Variants in TMEM178A observed in about 807,000 individuals in gnomAD.
TMEM178A encodes transmembrane protein 178.
In TMEM178A, 12 loss-of-function variants were observed where a neutral mutation model predicts 29.1. The ratio of observed to expected loss-of-function variants is 0.41; its 90% CI spans 0.26 to 0.67. The LOEUF is 0.67. TMEM178A is among the 30% of genes least tolerant of loss of function. The probability of loss-of-function intolerance (pLI) is 0.29; values close to 1 mark genes in which losing one functional copy is unlikely to be tolerated. For synonymous variants in TMEM178A, 210 were observed against 187.2 expected (o/e 1.12, Z -0.99); for missense variants, 366 against 419.1 (o/e 0.87, Z 1.11).
At chr2:39,699,760 CT>C (rs898011805) in intron 1 of TMEM178A, among the ~76,000 whole-genome samples, 40 of 152,154 alleles carry the variant, frequency 2.6e-4, no homozygotes, top group Non-Finnish European at 4.7e-4. Flanking sequence ...CAGGCGAGAT[CT>C]TTTTTTAATG....
At chr2:39,714,190 A>T (rs936540235) in intron 3 of TMEM178A, among the ~76,000 whole-genome samples, 1 of 152,098 alleles carries the variant, frequency 6.6e-6, no homozygotes, top group Admixed American at 6.5e-5. Context: ...AGGAGAAGAG[A>T]TGTTACAGAA....
chr2:39,696,298 T>G (rs1010422577), intron 1 of TMEM178A, among the ~76,000 whole-genome samples: 1 of 152,166 alleles, frequency 6.6e-6, no homozygotes. Flanking sequence ...ATGTGTCTGT[T>G]TATTTCTCTG....
At chr2:39,730,935 T>G in the TMEM178A span, among the ~76,000 whole-genome samples, 1 of 152,220 alleles carries the variant, frequency 6.6e-6, no homozygotes, top group Admixed American at 6.5e-5. Context: ...GTATCCTGTA[T>G]GGAGACATCT....
intron 1 of TMEM178A, among the ~76,000 whole-genome samples, chr2:39,688,854 GA>G (rs1370599657): frequency 1.3e-5 from 2 of 152,122 alleles, no homozygotes; most frequent in Non-Finnish European, 1.5e-5. Flanking sequence ...AGCTTGAAAG[GA>G]GCTCCTAGTT....
intron 1 of TMEM178A, among the ~76,000 whole-genome samples, chr2:39,672,222 A>C (rs977536100): frequency 6.6e-6 from 1 of 152,252 alleles, no homozygotes; most frequent in African/African-American, 2.4e-5. Context: ...TACTATCTGC[A>C]CACAGGAATT....
At chr2:39,720,465 C>A (rs1289112020), downstream of TMEM178A, among the ~76,000 whole-genome samples, 2 of 152,216 alleles carry the variant, frequency 1.3e-5, no homozygotes, top group Non-Finnish European at 2.9e-5. Context: ...GCTGGGGACA[C>A]CCCCTCCTCT....
At chr2:39,685,935 GT>G (rs1477610161) in intron 1 of TMEM178A, among the ~76,000 whole-genome samples, 1 of 152,200 alleles carries the variant, frequency 6.6e-6, no homozygotes, top group Non-Finnish European at 1.5e-5. Context: ...CTCAGGAAGT[GT>G]TTTGGCTTAC....
At chr2:39,670,987 G>C (rs1170054615) in intron 1 of TMEM178A, among the ~76,000 whole-genome samples, 2 of 152,122 alleles carry the variant, frequency 1.3e-5, no homozygotes, top group Non-Finnish European at 2.9e-5. Context: ...AATTAAAAAT[G>C]ATAGGATTTC....
At chr2:39,721,858 G>A (rs1672711696), downstream of TMEM178A, among the ~76,000 whole-genome samples, 1 of 151,816 alleles carries the variant, frequency 6.6e-6, no homozygotes, top group Non-Finnish European at 1.5e-5. Flanking sequence ...AAGTGTGGTG[G>A]TACATGCCTG....
intron 3 of TMEM178A, among the ~76,000 whole-genome samples, chr2:39,712,879 A>C (rs1262280405): frequency 1.3e-5 from 2 of 152,368 alleles, no homozygotes; most frequent in East Asian, 3.9e-4. Context: ...CATACCTTGC[A>C]TTAATTAGAT....
chr2:39,713,871 T>C (rs1425581578), intron 3 of TMEM178A, among the ~76,000 whole-genome samples: 1 of 152,242 alleles, frequency 6.6e-6, no homozygotes, highest in Admixed American at 6.5e-5. Flanking sequence ...CAACTCTTTT[T>C]CTTGATGCCT....
chr2:39,688,518 A>G (rs1224859012), intron 1 of TMEM178A, among the ~76,000 whole-genome samples: 1 of 152,198 alleles, frequency 6.6e-6, no homozygotes, highest in Admixed American at 6.5e-5. Context: ...TGCCATCCTC[A>G]ACTCTTGTTG....
intron 1 of TMEM178A, among the ~76,000 whole-genome samples, chr2:39,680,355 C>G (rs912647552): frequency 1.3e-5 from 2 of 152,150 alleles, no homozygotes; most frequent in Non-Finnish European, 2.9e-5. Flanking sequence ...GGGCCTTTTT[C>G]GGTTTTCAAA....
At chr2:39,719,509 C>T (rs2716733), downstream of TMEM178A, among the ~76,000 whole-genome samples, 16,038 of 152,222 alleles carry the variant, frequency 0.11, 2,838 homozygotes, top group African/African-American at 0.36. Flanking sequence ...AACCAACGTG[C>T]CAGGCCAAGG....
chr2:39,667,508 C>A (rs1047549622), intron 1 of TMEM178A, among the ~76,000 whole-genome samples: 2 of 151,600 alleles, frequency 1.3e-5, no homozygotes, highest in East Asian at 3.9e-4. Flanking sequence ...AGAAAAAGTC[C>A]AAAATCAGTA....
At chr2:39,687,837 G>A (rs556459906) in intron 1 of TMEM178A, among the ~76,000 whole-genome samples, 1 of 152,370 alleles carries the variant, frequency 6.6e-6, no homozygotes, top group Non-Finnish European at 1.5e-5. Context: ...ATGATCAGAT[G>A]TAGTCATAGT....
chr2:39,710,118 G>A (rs544887179), intron 3 of TMEM178A, among the ~76,000 whole-genome samples: 146 of 152,232 alleles, frequency 9.6e-4, no homozygotes, highest in African/African-American at 3.4e-3. Flanking sequence ...GGAGCTCAGA[G>A]GTCCTCAGGA....
chr2:39,702,643 C>T (rs891513876), intron 1 of TMEM178A, among the ~76,000 whole-genome samples: 1 of 151,022 alleles, frequency 6.6e-6, no homozygotes, highest in Non-Finnish European at 1.5e-5. Flanking sequence ...CTCACAACCA[C>T]TGCCATGGGG....
At chr2:39,732,497 G>A in the TMEM178A span, among the ~76,000 whole-genome samples, 10 of 152,166 alleles carry the variant, frequency 6.6e-5, no homozygotes, top group Non-Finnish European at 1.3e-4. Context: ...TTGGCTTGGC[G>A]TGTCATTACT....
Sources: allele counts gnomAD v4.1 joint callset (sites outside exome capture counted in the v4.1 genomes callset), GRCh38; gene constraint gnomAD v4.1.1; transcripts MANE v1.5; gene names NCBI Gene and HGNC (gene_info 2026-07-23, HGNC 2026-07-21).